UBXN2B: variants seen among roughly 807,000 people sequenced by gnomAD.
The protein encoded by UBXN2B is UBX domain-containing protein 2B.
Under a neutral mutation model 37.5 loss-of-function variants are expected in UBXN2B, and 19 were observed. The ratio of observed to expected loss-of-function variants is 0.51; its 90% CI spans 0.35 to 0.74. UBXN2B has a LOEUF of 0.74. Ranked by LOEUF, UBXN2B falls within the 30% of genes least tolerant of loss-of-function variation. The probability of loss-of-function intolerance (pLI) is 0.01; values close to 1 mark genes in which losing one functional copy is unlikely to be tolerated. For synonymous variants in UBXN2B, 145 were observed against 143.8 expected, an observed-to-expected ratio of 1.01 and a Z score of -0.06; for missense variants, 370 against 393.2, an observed-to-expected ratio of 0.94 and a Z score of 0.50.
chr8:58,441,319 T>A (rs1030674967), intron 6 of UBXN2B, among the ~76,000 whole-genome samples: 6 of 111,668 alleles, frequency 5.4e-5, no homozygotes, highest in African/African-American at 2.4e-4. Flanking sequence ...TGTATAATAT[T>A]ATGTTTTTAC....
At chr8:58,445,284 C>CATGT (rs1808640866) in intron 6 of UBXN2B, among the ~76,000 whole-genome samples, 1 of 152,132 alleles carries the variant, frequency 6.6e-6, no homozygotes, top group Non-Finnish European at 1.5e-5. Context: ...AATTTATTGT[C>CATGT]ATGTAATAAC....
At chr8:58,443,510 T>TG (rs148567945) in intron 6 of UBXN2B, among the ~76,000 whole-genome samples, 4,311 of 152,078 alleles carry the variant, frequency 0.028, 188 homozygotes, top group African/African-American at 0.097. Flanking sequence ...TAACATAACT[T>TG]GCATGGGCAC....
intron 2 of UBXN2B, among the ~76,000 whole-genome samples, chr8:58,417,651 G>C (rs1009462120): frequency 2.0e-5 from 3 of 152,038 alleles, no homozygotes; most frequent in Non-Finnish European, 4.4e-5. Flanking sequence ...ACCATCCCTG[G>C]GGAAGAAACG....
At chr8:58,434,932 G>A in intron 5 of UBXN2B, 7 of 1,535,530 alleles carry the variant, frequency 4.6e-6, no homozygotes, top group Non-Finnish European at 5.2e-6. Context: ...ATTACTGCTG[G>A]CAGAAGATTT....
At chr8:58,425,245 G>A in intron 2 of UBXN2B, 2 of 1,102,566 alleles carry the variant, frequency 1.8e-6, no homozygotes, top group Non-Finnish European at 1.4e-6. Context: ...TTCTTTTAGA[G>A]CATACTCATC....
rs61732909 is a variant in UBXN2B at position 58,411,412 on chromosome 8, C to T, written c.27C>T (p.Pro9=). The change falls in exon 1 of 8, where the codon CCC becomes CCT. Residue 9 remains proline, a synonymous_variant. Transcript: ENST00000399598. MAEGGGPE[P]GEQERRSSGP... is the part of the protein sequence containing the mutation. ...TGGCGGAGGGCGGAGGCCCTGAGCC[C>T]GGCGAGCAGGAGAGGAGGTCTTCCG... is the stretch of plus-strand genomic sequence containing the variant. 9.5e-6 allele frequency: 12 copies of T among 1,269,792 alleles called. No homozygotes were observed. The highest frequency in any genetic ancestry group is 6.1e-4 in the Middle Eastern group (2 of 3,298). The allele number at this position is 1,269,792 out of a possible 1,614,324, so 78.7% of individuals were successfully genotyped here.
At chr8:58,415,802 A>G (rs1355449706) in intron 1 of UBXN2B, among the ~76,000 whole-genome samples, 1 of 152,122 alleles carries the variant, frequency 6.6e-6, no homozygotes, top group Admixed American at 6.5e-5. Context: ...GATTTCTAGC[A>G]AAGTTGCCAT....
intron 6 of UBXN2B, among the ~76,000 whole-genome samples, chr8:58,441,295 G>C (rs1325595502): frequency 6.9e-6 from 1 of 145,028 alleles, no homozygotes; most frequent in African/African-American, 2.7e-5. Flanking sequence ...TGCCTGGCCA[G>C]GCTTCTCTCA....
At chr8:58,411,662 C>T (rs1807642685) in intron 1 of UBXN2B, among the ~76,000 whole-genome samples, 193 bp downstream of exon 1, 1 of 152,226 alleles carries the variant, frequency 6.6e-6, no homozygotes, top group Non-Finnish European at 1.5e-5. Flanking sequence ...AGTGCCCAAG[C>T]CTCCAGCGCT....
At chr8:58,412,093 A>G (rs973164511) in intron 1 of UBXN2B, among the ~76,000 whole-genome samples, 12 of 152,236 alleles carry the variant, frequency 7.9e-5, no homozygotes, top group Admixed American at 5.9e-4. Flanking sequence ...GTAGCGCACC[A>G]AATCCCGTTT....
intron 1 of UBXN2B, 24 bp from the exon 2 acceptor site, chr8:58,416,826 T>G (rs756042687): frequency 3.1e-6 from 5 of 1,600,314 alleles, no homozygotes; most frequent in Non-Finnish European, 4.3e-6. Context: ...TGTTATACTT[T>G]GTAACAAGCC....
At chr8:58,446,528 A>C (rs917131560) in intron 7 of UBXN2B, among the ~76,000 whole-genome samples, 2 of 152,064 alleles carry the variant, frequency 1.3e-5, no homozygotes, top group African/African-American at 4.8e-5. Flanking sequence ...AACTTCAGAT[A>C]GTTTTAAATG....
At chr8:58,432,853 T>C (rs1257214356) in intron 3 of UBXN2B, among the ~76,000 whole-genome samples, 2 of 152,214 alleles carry the variant, frequency 1.3e-5, no homozygotes, top group African/African-American at 2.4e-5. Context: ...TCAGGTATTA[T>C]GGTTCAATAA....
At chr8:58,437,785 A>G (rs955127281) in intron 5 of UBXN2B, among the ~76,000 whole-genome samples, 4 of 152,190 alleles carry the variant, frequency 2.6e-5, no homozygotes, top group Non-Finnish European at 5.9e-5. Context: ...CATCCTGGCT[A>G]TGTAGTAGAG....
rs762222616 is a variant in UBXN2B, at chr8:58,446,015, A to G, written c.780A>G (p.Gln260=). The change falls in exon 7 of 8, where the codon CAA becomes CAG. Residue 260 remains glutamine, a synonymous_variant. Transcript: ENST00000399598. The part of the protein sequence containing the change: ...IDDSVPTTKI[Q]IRLADGSRLI... ...ATTCAGTGCCAACAACAAAAATTCAAATCAGGTTAGCAGATGGGAGTCGTT... is the reference window on the plus strand; with the variant it reads ...ATTCAGTGCCAACAACAAAAATTCAGATCAGGTTAGCAGATGGGAGTCGTT... 5.0e-6 allele frequency: 8 copies of G among 1,613,150 alleles called. No homozygotes were observed. The African/African-American group carries it at 9.3e-5, about 19-fold the overall frequency.
At chr8:58,426,812 T>C in intron 2 of UBXN2B, 3 of 586,104 alleles carry the variant, frequency 5.1e-6, no homozygotes, top group South Asian at 4.6e-5. Flanking sequence ...CAGCCGACTG[T>C]GCACAGACCC....
At chr8:58,425,661 G>T in intron 2 of UBXN2B, 2 of 1,156,064 alleles carry the variant, frequency 1.7e-6, no homozygotes, top group Non-Finnish European at 2.6e-6. Context: ...TGTGGTCTCA[G>T]CTAATTTGCT....
At chr8:58,432,026 T>G (rs756219221) in intron 3 of UBXN2B, among the ~76,000 whole-genome samples, 45 of 152,240 alleles carry the variant, frequency 3.0e-4, no homozygotes, top group Non-Finnish European at 6.2e-4. Context: ...ATATTTTCTC[T>G]CAGAATGTCA....
chr8:58,424,621 C>T lies in UBXN2B; in HGVS notation c.189-5898C>T. The T allele has an allele frequency of 8.3e-6, 10 of 1,207,866 alleles. No homozygotes were observed. The South Asian group carries it at 1.2e-4, about 15-fold the overall frequency. 74.8% of individuals were successfully genotyped at this position (1,207,866 alleles called of 1,614,324 possible). ...AACTCTTCTGCTGTTGCATCAGGCC[C>T]ACGTTTTCATACACTCTAGCACTGT... On this transcript the variant is annotated intron_variant, in intron 2 of 7. Coordinates refer to ENST00000399598, the MANE Select transcript of UBXN2B (RefSeq NM_001077619.2).
Sources: gnomAD v4.1 joint callset for allele counts (sites outside exome capture counted in the v4.1 genomes callset) on GRCh38, gnomAD v4.1.1 for gene constraint, MANE v1.5 for transcripts, NCBI Gene and HGNC (gene_info 2026-07-23, HGNC 2026-07-21) for gene names.